The following NUDT6 variants were observed in gnomAD, a reference collection of about 807,000 sequenced individuals.
The protein encoded by NUDT6 is nudix hydrolase 6, also known as FAD diphosphatase NUDT6.
Under a neutral mutation model 36.8 loss-of-function variants are expected in NUDT6, and 24 were observed. The ratio of observed to expected loss-of-function variants is 0.65; its 90% CI spans 0.47 to 0.92. The LOEUF is 0.92. NUDT6 is among the 40% of genes least tolerant of loss of function. NUDT6 has a pLI of 0.00. For synonymous variants in NUDT6, 163 were observed against 157.0 expected (o/e 1.04, Z -0.29); for missense variants, 388 against 392.8 (o/e 0.99, Z 0.10).
rs950430943 is a variant in NUDT6, at chr4:122,892,760, A to G, written c.*68T>C. 3.6e-6 allele frequency: 5 copies of G among 1,400,138 alleles called. No individual in the cohort carries two copies. The highest frequency in any genetic ancestry group is 2.6e-5 in the Admixed American group (1 of 38,890). The allele number at this position is 1,400,138 out of a possible 1,614,324, so 86.7% of individuals were successfully genotyped here. A position where few individuals can be genotyped will look rare whatever the true frequency, so the allele number is the denominator to read the frequency against. ...AAAATCACAGTCAGATGTTTAATCA[A>G]TCCAAAATGTCCACTATTTCTTATG... On this transcript the variant is annotated 3_prime_UTR_variant, in exon 5 of 5. Transcript: ENST00000304430.
chr4:122,906,368 C>T (rs994631845), intron 3 of NUDT6, among the ~76,000 whole-genome samples: 8 of 152,110 alleles, frequency 5.3e-5, no homozygotes, highest in African/African-American at 1.7e-4. Flanking sequence ...ATTATTATTA[C>T]GTACTTTTAA....
Position 122,922,281 on chromosome 4 carries a change from T to C in NUDT6, c.238+54A>G, listed in dbSNP as rs772604477. The C allele has an allele frequency of 2.7e-6, 4 of 1,492,586 alleles. No homozygotes were observed. The South Asian group carries it at 4.8e-5, about 18-fold the overall frequency. 92.5% of individuals were successfully genotyped at this position (1,492,586 alleles called of 1,614,324 possible). ...GACTAGGGAGTGGGGGCCGCGGTTA[T>C]TTCATTAGAAAAGCTCTGGAGCCCC... On this transcript the variant is annotated intron_variant, in intron 1 of 4. Transcript: ENST00000304430.
At chr4:122,895,341 G>A (rs1483388287) in intron 4 of NUDT6, 5 of 152,172 alleles carry the variant, frequency 3.3e-5, no homozygotes, top group Non-Finnish European at 7.4e-5. Context: ...GAAGAGATAT[G>A]TTTAAATATG....
At chr4:122,896,206 G>C (rs1727348378) in intron 4 of NUDT6, 1 of 152,154 alleles carries the variant, frequency 6.6e-6, no homozygotes, top group Non-Finnish European at 1.5e-5. Flanking sequence ...AAGAAAAAAA[G>C]GTAGTGAATT....
At chr4:122,893,485 T>G (rs538523416) in intron 4 of NUDT6, 1 of 330,578 alleles carries the variant, frequency 3.0e-6, no homozygotes, top group Admixed American at 4.5e-5. Flanking sequence ...TGTACATTTT[T>G]GGGGTCAGCT....
intron 3 of NUDT6, among the ~76,000 whole-genome samples, chr4:122,910,519 A>T (rs1479307035): frequency 6.6e-6 from 1 of 152,208 alleles, no homozygotes; most frequent in Non-Finnish European, 1.5e-5. Context: ...TGGCACAATC[A>T]TGTTATCTGG....
At chr4:122,916,731 T>C (rs1393936829) in intron 2 of NUDT6, among the ~76,000 whole-genome samples, 1 of 152,202 alleles carries the variant, frequency 6.6e-6, no homozygotes, top group Non-Finnish European at 1.5e-5. Flanking sequence ...ATAGATACTG[T>C]AGTCCCCCTT....
intron 3 of NUDT6, among the ~76,000 whole-genome samples, chr4:122,904,644 A>G (rs1292022266): frequency 4.6e-5 from 7 of 152,112 alleles, no homozygotes; most frequent in East Asian, 3.9e-4. Flanking sequence ...TTTGTAGAGA[A>G]GGGGTTTTAT....
chr4:122,907,653 G>A (rs917794202), intron 3 of NUDT6, among the ~76,000 whole-genome samples: 1 of 151,656 alleles, frequency 6.6e-6, no homozygotes, highest in African/African-American at 2.4e-5. Flanking sequence ...GGTTTCATGT[G>A]TTAGCCAGGT....
At chr4:122,914,724 T>C (rs1458758) in intron 2 of NUDT6, among the ~76,000 whole-genome samples, 3 of 151,748 alleles carry the variant, frequency 2.0e-5, no homozygotes, top group African/African-American at 4.8e-5. Context: ...TACTGAAACT[T>C]CTCTCTCAGA....
At chr4:122,917,871 C>A in intron 1 of NUDT6, 167 bp from the exon 2 acceptor site, 1 of 609,458 alleles carries the variant, frequency 1.6e-6, no homozygotes, top group Non-Finnish European at 2.9e-6. Context: ...TTTATAGTAA[C>A]CACCTTGTTT....
intron 4 of NUDT6, chr4:122,896,324 C>A (rs1322209019): frequency 6.6e-6 from 1 of 152,440 alleles, no homozygotes; most frequent in Non-Finnish European, 1.5e-5. Context: ...CAAGTAAGTA[C>A]AGCTGAAATT....
In NUDT6 at chr4:122,892,879, G is replaced by A; in HGVS notation, c.900C>T (p.Leu300=). ...PAVYTGLFYK[L]YHKELPENYK... ...AATTCTCTGGCAGTTCCTTATGATA[G>A]AGTTTATAAAACAGTCCTGTGTAAA... is the stretch of plus-strand genomic sequence containing the variant. Residue 300 remains leucine, a synonymous_variant, in exon 5 of 5, where the codon CTC becomes CTT. Transcript: ENST00000304430. 6.2e-7 allele frequency: 1 copy of A among 1,611,646 alleles called. No homozygotes were observed. The highest frequency in any genetic ancestry group is 1.1e-5 in the South Asian group (1 of 90,578).
At chr4:122,905,531 G>A (rs977717812) in intron 3 of NUDT6, among the ~76,000 whole-genome samples, 5 of 152,116 alleles carry the variant, frequency 3.3e-5, no homozygotes, top group African/African-American at 1.2e-4. Context: ...CCCATTATTT[G>A]CTTACCCCTC....
intron 3 of NUDT6, among the ~76,000 whole-genome samples, chr4:122,902,768 G>A (rs1310635540): frequency 6.6e-6 from 1 of 152,126 alleles, no homozygotes; most frequent in Non-Finnish European, 1.5e-5. Flanking sequence ...TATTGGGGTA[G>A]GGATGAAGGA....
At chr4:122,912,743 T>C (rs1297857577) in intron 2 of NUDT6, 120 bp from the exon 3 acceptor site, 2 of 657,000 alleles carry the variant, frequency 3.0e-6, no homozygotes, top group Non-Finnish European at 5.4e-6. Context: ...TTGGTTCAAA[T>C]ACAGGTTGAG....
intron 4 of NUDT6, chr4:122,894,159 A>G (rs778746823): frequency 1.2e-4 from 19 of 152,212 alleles, no homozygotes; most frequent in African/African-American, 3.1e-4. Context: ...TCTAATAGCT[A>G]TGGAAAGATG....
chr4:122,898,550 GAC>G (rs1457735711), intron 3 of NUDT6, among the ~76,000 whole-genome samples: 1 of 152,078 alleles, frequency 6.6e-6, no homozygotes, highest in Non-Finnish European at 1.5e-5. Context: ...TTTGCTTTGT[GAC>G]ACACTCATTT....
At chr4:122,898,458 T>C (rs1482547318) in intron 3 of NUDT6, among the ~76,000 whole-genome samples, 1 of 151,000 alleles carries the variant, frequency 6.6e-6, no homozygotes, top group Non-Finnish European at 1.5e-5. Flanking sequence ...TGAGAAATTA[T>C]AACATACTCA....
Sources: allele counts gnomAD v4.1 joint callset (sites outside exome capture counted in the v4.1 genomes callset), GRCh38; gene constraint gnomAD v4.1.1; transcripts MANE v1.5; gene names NCBI Gene and HGNC (gene_info 2026-07-23, HGNC 2026-07-21).